Variants in TYW1 observed in about 807,000 individuals in gnomAD.
The protein encoded by TYW1 is tRNA-yW synthesizing protein 1 homolog, also known as S-adenosyl-L-methionine-dependent tRNA 4-demethylwyosine synthase TYW1.
In TYW1, 46 loss-of-function variants were observed where a neutral mutation model predicts 96.2. The observed-to-expected ratio is 0.48, with a 90% CI of 0.38 to 0.61. The LOEUF is 0.61. TYW1 is among the 20% of genes least tolerant of loss of function. TYW1 has a pLI of 0.00. For synonymous variants in TYW1, 274 were observed against 323.0 expected, an observed-to-expected ratio of 0.85 and a Z score of 1.63; for missense variants, 684 against 909.6, an observed-to-expected ratio of 0.75 and a Z score of 3.19.
intron 15 of TYW1, among the ~76,000 whole-genome samples, chr7:67,225,064 G>A (rs1272753646): frequency 6.6e-6 from 1 of 151,910 alleles, no homozygotes; most frequent in Non-Finnish European, 1.5e-5. Context: ...GGTGGCACTT[G>A]CCTGTAATCC....
Position 67,147,800 on chromosome 7 carries a change from A to AGGG in TYW1, c.1698+30184_1698+30186dup, listed in dbSNP as rs372610830. Among the ~76,000 whole-genome samples, 96 of 152,272 alleles carry AGGG rather than the reference A, an allele frequency of 6.3e-4. 1 individual carries two copies. Among genetic ancestry groups the AGGG allele is most frequent in the African/African-American group, 2.2e-3 (92 of 41,560 alleles). Reference sequence around the variant, plus strand: ...CAAGGTTCTCTGCTTATAAGGACAAAGGGGAGAATAGGGATTGGTGGGCAA... The same window carrying AGGG: ...CAAGGTTCTCTGCTTATAAGGACAAAGGGGGGGAGAATAGGGATTGGTGGGCAA... On this transcript the variant is annotated intron_variant, in intron 13 of 15. Coordinates refer to ENST00000359626, the MANE Select transcript of TYW1 (RefSeq NM_018264.4).
chr7:67,196,810 A>C (rs1563066563), intron 15 of TYW1, among the ~76,000 whole-genome samples: 4 of 151,986 alleles, frequency 2.6e-5, no homozygotes, highest in Non-Finnish European at 5.9e-5. Flanking sequence ...GATAGGGGAA[A>C]TAGATAGCAA....
chr7:67,230,964 C>T (rs1801735122), intron 15 of TYW1, among the ~76,000 whole-genome samples: 1 of 152,066 alleles, frequency 6.6e-6, no homozygotes, highest in African/African-American at 2.4e-5. Flanking sequence ...TACTGTGTAC[C>T]ATGGAAGATG....
At chr7:67,183,875 T>G (rs528965524) in intron 14 of TYW1, among the ~76,000 whole-genome samples, 2 of 152,324 alleles carry the variant, frequency 1.3e-5, no homozygotes, top group South Asian at 4.1e-4. Flanking sequence ...TCACCCAGGT[T>G]GGAGTGCAGT....
chr7:67,121,521 A>C (rs780550242), intron 13 of TYW1, among the ~76,000 whole-genome samples: 1 of 152,256 alleles, frequency 6.6e-6, no homozygotes. Flanking sequence ...AGCCTGGTCA[A>C]CAAGAGCAAG....
rs182351274 is a variant in TYW1, at chr7:67,089,355, C to T, written c.1384+5816C>T. On this transcript the variant is annotated intron_variant, in intron 11 of 15. Transcript: ENST00000359626. The stretch of plus-strand genomic sequence containing the variant: ...TCTCGAGGTGGCGGCCCTGTCCATT[C>T]CCAAGGCTTAGGTATCCAGTGCAGG... The T allele has an allele frequency of 6.8e-4, 846 of 1,248,422 alleles. 11 individuals carry two copies. The African/African-American group carries it at 0.011, about 16-fold the overall frequency. The allele number at this position is 1,248,422 out of a possible 1,614,324, so 77.3% of individuals were successfully genotyped here. A position where few individuals can be genotyped will look rare whatever the true frequency, so the allele number is the denominator to read the frequency against.
intron 7 of TYW1, among the ~76,000 whole-genome samples, chr7:67,045,305 T>C (rs1795152802): frequency 6.6e-6 from 1 of 152,066 alleles, no homozygotes; most frequent in Admixed American, 6.6e-5. Context: ...TGAACTCCTG[T>C]GCTCAAGTGA....
intron 8 of TYW1, among the ~76,000 whole-genome samples, chr7:67,050,452 G>C (rs186919234): frequency 1.5e-3 from 221 of 152,268 alleles, no homozygotes; most frequent in South Asian, 2.7e-3. Flanking sequence ...TTGCATGAAT[G>C]AGTAATAATA....
At chr7:67,066,033 C>CACA (rs1554356615) in intron 9 of TYW1, among the ~76,000 whole-genome samples, 2,454 of 104,312 alleles carry the variant, frequency 0.024, 36 homozygotes, top group African/African-American at 0.052. Context: ...ACACACACAC[C>CACA]CACACCCCTA....
intron 15 of TYW1, among the ~76,000 whole-genome samples, chr7:67,211,191 T>TG (rs1353587546): frequency 9.2e-5 from 13 of 141,640 alleles, no homozygotes; most frequent in Non-Finnish European, 1.2e-4. Context: ...TGTGTGTGTG[T>TG]TTTGAGCACT....
At chr7:67,088,071 C>T (rs927442134) in intron 11 of TYW1, among the ~76,000 whole-genome samples, 1 of 152,066 alleles carries the variant, frequency 6.6e-6, no homozygotes. Context: ...CCCTATATTG[C>T]GCAGGCTGGT....
At chr7:67,095,458 A>G (rs3107593) in intron 11 of TYW1, among the ~76,000 whole-genome samples, 2 of 150,608 alleles carry the variant, frequency 1.3e-5, no homozygotes, top group African/African-American at 2.5e-5. Context: ...AGGCTGAGGC[A>G]GGCCAACATA....
At chr7:67,152,385 A>G (rs549720863) in intron 13 of TYW1, among the ~76,000 whole-genome samples, 30 of 152,118 alleles carry the variant, frequency 2.0e-4, no homozygotes, top group African/African-American at 7.2e-4. Context: ...GCTCACCATC[A>G]GTTTCCTCTT....
intron 13 of TYW1, among the ~76,000 whole-genome samples, chr7:67,127,917 A>G (rs756160974): frequency 2.0e-5 from 3 of 152,032 alleles, no homozygotes; most frequent in Non-Finnish European, 4.4e-5. Context: ...AGTTGAAATC[A>G]TTCTTTCCTT....
intron 15 of TYW1, among the ~76,000 whole-genome samples, chr7:67,210,882 GTCCA>G (rs765127028): frequency 6.8e-6 from 1 of 147,952 alleles, no homozygotes; most frequent in Non-Finnish European, 1.5e-5. Flanking sequence ...CTATCCATCT[GTCCA>G]TCCATCTATC....
At chr7:67,008,148 G>A (rs1278362331) in intron 3 of TYW1, among the ~76,000 whole-genome samples, 2 of 152,084 alleles carry the variant, frequency 1.3e-5, no homozygotes, top group African/African-American at 4.8e-5. Context: ...TGCAACTCAG[G>A]AACGGCCGAA....
At chr7:67,007,704 G>A (rs1276471037) in intron 3 of TYW1, among the ~76,000 whole-genome samples, 1 of 151,762 alleles carries the variant, frequency 6.6e-6, no homozygotes, top group African/African-American at 2.4e-5. Flanking sequence ...GCACGATCTC[G>A]GCTCACTGCA....
chr7:67,108,840 A>G (rs1371440958), intron 12 of TYW1, among the ~76,000 whole-genome samples: 2 of 152,204 alleles, frequency 1.3e-5, no homozygotes, highest in South Asian at 2.1e-4. Flanking sequence ...CAGGGTCGAA[A>G]TTGTATAGAG....
intron 13 of TYW1, among the ~76,000 whole-genome samples, chr7:67,122,430 G>T (rs3107886): frequency 2.0e-5 from 3 of 152,206 alleles, no homozygotes; most frequent in African/African-American, 7.2e-5. Flanking sequence ...TTCACATTTG[G>T]CCTTATATCA....
Sources: allele counts gnomAD v4.1 joint callset (sites outside exome capture counted in the v4.1 genomes callset), GRCh38; gene constraint gnomAD v4.1.1; transcripts MANE v1.5; gene names NCBI Gene and HGNC (gene_info 2026-07-23, HGNC 2026-07-21).